Variants in TLL1 observed in about 807,000 individuals in gnomAD.
The protein encoded by TLL1 is tolloid-like protein 1.
A neutral mutation model predicts 128.2 loss-of-function variants in TLL1; 49 were observed. The ratio of observed to expected loss-of-function variants is 0.38; its 90% CI spans 0.30 to 0.48. The LOEUF (loss-of-function observed/expected upper bound fraction) is 0.48. Among genes scored for constraint, TLL1 ranks in the 20% least tolerant of loss-of-function variants. The pLI is 0.96. For synonymous variants in TLL1, 454 were observed against 418.8 expected (o/e 1.08, Z -1.03); for missense variants, 1,123 against 1,242.0 (o/e 0.90, Z 1.44).
At chr4:165,973,360 C>G (rs1019122359) in intron 1 of TLL1, among the ~76,000 whole-genome samples, 4 of 151,800 alleles carry the variant, frequency 2.6e-5, no homozygotes, top group African/African-American at 9.7e-5. Flanking sequence ...ATAGCACCAT[C>G]CCAGGATGGT....
At chr4:165,952,814 T>G (rs935734440) in intron 1 of TLL1, among the ~76,000 whole-genome samples, 3 of 152,052 alleles carry the variant, frequency 2.0e-5, no homozygotes, top group Non-Finnish European at 2.9e-5. Context: ...ATAAAAAAAT[T>G]TAAAGAAAAA....
chr4:166,023,880 G>T (rs981342061), intron 8 of TLL1, among the ~76,000 whole-genome samples: 1 of 151,338 alleles, frequency 6.6e-6, no homozygotes, highest in African/African-American at 2.4e-5. Flanking sequence ...AATTATTACA[G>T]AATTTATTTT....
intron 1 of TLL1, among the ~76,000 whole-genome samples, chr4:165,986,623 G>T (rs1204540587): frequency 6.6e-6 from 1 of 151,930 alleles, no homozygotes; most frequent in East Asian, 1.9e-4. Flanking sequence ...AGAAAATATG[G>T]CAATAAATAA....
intron 1 of TLL1, among the ~76,000 whole-genome samples, chr4:165,953,006 T>A (rs536755805): frequency 6.6e-6 from 1 of 152,228 alleles, no homozygotes; most frequent in South Asian, 2.1e-4. Flanking sequence ...GATTCAAACT[T>A]TTTTTGGCAG....
intron 16 of TLL1, among the ~76,000 whole-genome samples, chr4:166,069,910 T>C (rs1012423560): frequency 6.6e-6 from 1 of 151,616 alleles, no homozygotes; most frequent in African/African-American, 2.4e-5. Context: ...TATTCCAGGG[T>C]ATATTTAAAG....
chr4:166,055,416 G>T (rs1295326427), intron 13 of TLL1, 145 bp downstream of exon 13: 12 of 733,610 alleles, frequency 1.6e-5, no homozygotes, highest in Non-Finnish European at 2.7e-5. Context: ...GATAGAAAAG[G>T]TTATTAATAA....
Position 166,025,434 on chromosome 4 carries a change from A to C in TLL1, c.1158+3A>C. The C allele has an allele frequency of 6.3e-7, 1 of 1,585,426 alleles. No homozygotes were observed. The highest frequency in any genetic ancestry group is 8.7e-7 in the Non-Finnish European group (1 of 1,154,022). ...TTTCTGTGACCCCAGGGGAGAAGGT[A>C]GTTTATACCGTCAAGCCCACTATTT... is the stretch of plus-strand genomic sequence containing the variant. On this transcript the variant is annotated splice_donor_region_variant and intron_variant, in intron 9 of 20. Coordinates refer to ENST00000061240, the MANE Select transcript of TLL1 (RefSeq NM_012464.5).
At chr4:166,058,225 G>T (rs1156423155) in intron 14 of TLL1, among the ~76,000 whole-genome samples, 1 of 151,800 alleles carries the variant, frequency 6.6e-6, no homozygotes, top group Non-Finnish European at 1.5e-5. Context: ...ATCTAGATCA[G>T]ATTTTCATCC....
chr4:166,004,054 G>GT (rs1341670222), intron 6 of TLL1, among the ~76,000 whole-genome samples: 4 of 152,012 alleles, frequency 2.6e-5, no homozygotes, highest in Admixed American at 6.6e-5. Context: ...AATATAAATA[G>GT]TTTTTTCTGA....
chr4:166,028,878 G>A (rs917550752), intron 9 of TLL1, among the ~76,000 whole-genome samples: 1 of 151,816 alleles, frequency 6.6e-6, no homozygotes, highest in Non-Finnish European at 1.5e-5. Flanking sequence ...TTTGTTTCAG[G>A]TATCCAATTC....
chr4:165,945,498 T>G (rs1734205137), intron 1 of TLL1, among the ~76,000 whole-genome samples: 1 of 152,132 alleles, frequency 6.6e-6, no homozygotes, highest in South Asian at 2.1e-4. Context: ...GTGATGTATA[T>G]GACAACATCA....
chr4:166,005,968 T>C (rs908462394), intron 6 of TLL1, among the ~76,000 whole-genome samples: 5 of 151,776 alleles, frequency 3.3e-5, no homozygotes, highest in Non-Finnish European at 7.4e-5. Flanking sequence ...AAAAAATCTA[T>C]TGGGTGAGAT....
intron 1 of TLL1, among the ~76,000 whole-genome samples, chr4:165,921,263 T>C (rs1733029125): frequency 6.6e-6 from 1 of 152,220 alleles, no homozygotes; most frequent in African/African-American, 2.4e-5. Context: ...AAAACTTTTA[T>C]AAAAATCAGG....
At chr4:165,934,488 G>A (rs1733677731) in intron 1 of TLL1, among the ~76,000 whole-genome samples, 1 of 152,212 alleles carries the variant, frequency 6.6e-6, no homozygotes, top group Admixed American at 6.5e-5. Flanking sequence ...TCTGTGTCAA[G>A]TGGTGATAAA....
At chr4:165,921,847 A>G (rs569406205) in intron 1 of TLL1, among the ~76,000 whole-genome samples, 20 of 152,316 alleles carry the variant, frequency 1.3e-4, no homozygotes, top group African/African-American at 4.8e-4. Context: ...AAAAAAGTTT[A>G]AACATTGCAT....
At chr4:165,923,226 C>T (rs1733114142) in intron 1 of TLL1, among the ~76,000 whole-genome samples, 1 of 151,842 alleles carries the variant, frequency 6.6e-6, no homozygotes, top group Non-Finnish European at 1.5e-5. Flanking sequence ...ATCATCAAGT[C>T]TTCAAACCAC....
intron 1 of TLL1, 151 bp from the exon 2 acceptor site, chr4:165,989,230 G>A (rs1225430911): frequency 2.1e-5 from 13 of 630,510 alleles, no homozygotes; most frequent in Non-Finnish European, 2.5e-5. Context: ...CCTGTAACAG[G>A]TCCAGTGCAT....
chr4:165,921,921 A>C (rs1310165325), intron 1 of TLL1, among the ~76,000 whole-genome samples: 1 of 151,896 alleles, frequency 6.6e-6, no homozygotes, highest in Non-Finnish European at 1.5e-5. Flanking sequence ...ATACAAAGGA[A>C]AGTAAACAGA....
At chr4:165,963,842 G>A (rs1735239788) in intron 1 of TLL1, among the ~76,000 whole-genome samples, 1 of 152,146 alleles carries the variant, frequency 6.6e-6, no homozygotes, top group South Asian at 2.1e-4. Context: ...AAGTGAAAAT[G>A]TGTGGTTGGG....
Sources: gnomAD v4.1 joint callset for allele counts (sites outside exome capture counted in the v4.1 genomes callset) on GRCh38, gnomAD v4.1.1 for gene constraint, MANE v1.5 for transcripts, NCBI Gene and HGNC (gene_info 2026-07-23, HGNC 2026-07-21) for gene names.